NT5C2: variants seen among roughly 807,000 people sequenced by gnomAD.
NT5C2 encodes the protein 5'-nucleotidase, cytosolic II, also known as cytosolic purine 5'-nucleotidase.
Under a neutral mutation model 76.1 loss-of-function variants are expected in NT5C2, and 58 were observed. That is an observed-to-expected ratio of 0.76 (90% confidence interval 0.62 to 0.95). The LOEUF is 0.95. NT5C2 is among the 40% of genes least tolerant of loss of function. NT5C2 has a pLI of 0.00. For synonymous variants in NT5C2, 229 were observed against 237.4 expected, an observed-to-expected ratio of 0.96 and a Z score of 0.32; for missense variants, 478 against 690.3, an observed-to-expected ratio of 0.69 and a Z score of 3.45.
At chr10:103,115,560 C>CATA (rs1408605784) in intron 4 of NT5C2, among the ~76,000 whole-genome samples, 4 of 152,114 alleles carry the variant, frequency 2.6e-5, no homozygotes, top group African/African-American at 9.7e-5. Context: ...AAGTAAAGAT[C>CATA]ATAAACACTA....
intron 14 of NT5C2, among the ~76,000 whole-genome samples, chr10:103,093,522 C>G (rs1188544538): frequency 1.3e-5 from 2 of 152,208 alleles, no homozygotes; most frequent in Admixed American, 6.5e-5. Flanking sequence ...TCACCAAATC[C>G]AAGAGCAACA....
Position 103,189,921 on chromosome 10 carries a change from C to G in NT5C2, c.-169+3315G>C, listed in dbSNP as rs1425216544. ...CTGACCTCAGGTGATCCACCTGCCT[C>G]GACCTCCCAAAGTGCTGGGATTACA... is the stretch of plus-strand genomic sequence containing the variant. On this transcript the variant is annotated intron_variant, in intron 1 of 18. Transcript: ENST00000404739. 4.0e-5 allele frequency among the ~76,000 whole-genome samples: 6 copies of G among 148,156 alleles called. No homozygotes were observed. In the South Asian group the frequency reaches 1.1e-3, roughly 27 times the overall value.
At chr10:103,125,569 G>A (rs1401849489) in intron 4 of NT5C2, among the ~76,000 whole-genome samples, 1 of 152,144 alleles carries the variant, frequency 6.6e-6, no homozygotes, top group African/African-American at 2.4e-5. Flanking sequence ...GTAACCACGA[G>A]GAGATAATGT....
chr10:103,114,570 T>C (rs980578529), intron 4 of NT5C2, among the ~76,000 whole-genome samples: 13 of 152,198 alleles, frequency 8.5e-5, no homozygotes, highest in Admixed American at 2.6e-4. Flanking sequence ...CCACATACAT[T>C]ATCTATCCCA....
At chr10:103,179,375 A>C (rs952407859) in intron 2 of NT5C2, among the ~76,000 whole-genome samples, 1 of 152,162 alleles carries the variant, frequency 6.6e-6, no homozygotes, top group African/African-American at 2.4e-5. Context: ...ACAATACTGT[A>C]GGTAGGAAAA....
intron 3 of NT5C2, chr10:103,146,120 C>T: frequency 1.0e-6 from 1 of 985,346 alleles, no homozygotes; most frequent in Non-Finnish European, 1.2e-6. Context: ...TTCGTAAGGT[C>T]CCTAGTATAG....
intron 4 of NT5C2, among the ~76,000 whole-genome samples, chr10:103,114,356 C>G (rs936750306): frequency 4.6e-5 from 7 of 152,086 alleles, no homozygotes; most frequent in Non-Finnish European, 1.0e-4. Flanking sequence ...TTGCAGTGAG[C>G]TGAGATCACG....
At chr10:103,191,717 C>G (rs1047787784) in intron 1 of NT5C2, among the ~76,000 whole-genome samples, 1 of 149,434 alleles carries the variant, frequency 6.7e-6, no homozygotes, top group Non-Finnish European at 1.5e-5. Flanking sequence ...GAACCCCCCC[C>G]ACTCCACCCC....
intron 4 of NT5C2, among the ~76,000 whole-genome samples, chr10:103,130,656 G>A (rs1429205512): frequency 2.7e-5 from 4 of 149,490 alleles, no homozygotes; most frequent in East Asian, 1.9e-4. Context: ...CATTCCTACA[G>A]TCCACATATA....
intron 12 of NT5C2, 43 bp downstream of exon 12, chr10:103,095,896 T>A: frequency 6.5e-7 from 1 of 1,532,580 alleles, no homozygotes; most frequent in African/African-American, 1.4e-5. Flanking sequence ...TTAAATGCAT[T>A]CATTGTTATT....
At chr10:103,093,621 A>C in intron 14 of NT5C2, 1 of 355,098 alleles carries the variant, frequency 2.8e-6, no homozygotes. Flanking sequence ...GCTTTACTCA[A>C]CTGTTTATAA....
chr10:103,129,737 C>T (rs1591234544), intron 4 of NT5C2, among the ~76,000 whole-genome samples: 2 of 102,084 alleles, frequency 2.0e-5, no homozygotes, highest in African/African-American at 3.7e-5. Flanking sequence ...CCAGCCGCCC[C>T]GTCCGGGAGG....
At chr10:103,111,437 G>A (rs1378601980) in intron 4 of NT5C2, among the ~76,000 whole-genome samples, 1 of 152,174 alleles carries the variant, frequency 6.6e-6, no homozygotes, top group African/African-American at 2.4e-5. Context: ...AGCATTTAAA[G>A]ATATTCTTTA....
At chr10:103,092,083 C>A (rs1179276544) in intron 15 of NT5C2, among the ~76,000 whole-genome samples, 1 of 152,132 alleles carries the variant, frequency 6.6e-6, no homozygotes, top group African/African-American at 2.4e-5. Flanking sequence ...GAAAGGCTAG[C>A]CAGAAAATCC....
rs1339375757 is a variant in NT5C2 at position 103,101,285 on chromosome 10, C to A, written c.431G>T (p.Arg144Leu). The A allele has an allele frequency of 6.2e-7, 1 of 1,609,202 alleles. No homozygotes were observed. Among genetic ancestry groups the A allele is most frequent in the Non-Finnish European group, 8.5e-7 (1 of 1,176,358 alleles). Residue 144 changes from arginine (R) to leucine (L), a missense_variant, in exon 7 of 19, where the codon CGA becomes CTA. Transcript: ENST00000404739. ...AATGTAAAATCTTTCAGTATCATCT[C>A]GCTGGATAAATTTATTTGGATACTG... The part of the protein sequence containing the change: ...REQYPNKFIQ[R>L]DDTERFYILN...
chr10:103,193,164 C>G (rs1461315431), intron 1 of NT5C2, 72 bp downstream of exon 1: 1 of 152,308 alleles, frequency 6.6e-6, no homozygotes, highest in African/African-American at 2.4e-5. Flanking sequence ...CGTGTTCGGC[C>G]GCGCACCTCC....
intron 4 of NT5C2, among the ~76,000 whole-genome samples, chr10:103,131,176 G>A (rs1490454946): frequency 2.6e-5 from 4 of 152,188 alleles, no homozygotes; most frequent in Non-Finnish European, 5.9e-5. Flanking sequence ...AGACACTTCA[G>A]AAGCATCAAT....
intron 4 of NT5C2, chr10:103,111,788 G>C: frequency 8.1e-7 from 1 of 1,232,010 alleles, no homozygotes; most frequent in Non-Finnish European, 1.0e-6. Flanking sequence ...CAGTCTTGAA[G>C]GAGTTACACT....
Position 103,088,252 on chromosome 10 carries a change from AAG to A in NT5C2, c.*1418_*1419del, listed in dbSNP as rs1390011811. On this transcript the variant is annotated 3_prime_UTR_variant, in exon 19 of 19. Coordinates refer to ENST00000404739, the MANE Select transcript of NT5C2 (RefSeq NM_001351169.2). The stretch of plus-strand genomic sequence containing the variant: ...GAAGAAAATATACAATGGTTAAAGA[AAG>A]AGTCTATAACCACTGTTTGTTTAAA... 1 of 152,252 alleles carries A rather than the reference AAG, an allele frequency of 6.6e-6. No homozygotes were observed. The highest frequency in any genetic ancestry group is 2.4e-5 in the African/African-American group (1 of 41,464). The allele number at this position is 152,252 out of a possible 1,614,324, so 9.4% of individuals were successfully genotyped here.
Sources: gnomAD v4.1 joint callset for allele counts (sites outside exome capture counted in the v4.1 genomes callset) on GRCh38, gnomAD v4.1.1 for gene constraint, MANE v1.5 for transcripts, NCBI Gene and HGNC (gene_info 2026-07-23, HGNC 2026-07-21) for gene names.